Variants in RAET1L observed in about 807,000 individuals in gnomAD.
The protein encoded by RAET1L is UL16-binding protein 6.
In RAET1L, 16 loss-of-function variants were observed where a neutral mutation model predicts 23.9. The ratio of observed to expected loss-of-function variants is 0.67; its 90% CI spans 0.45 to 1.02. RAET1L has a LOEUF of 1.02. RAET1L is among the 50% of genes least tolerant of loss of function. The probability of loss-of-function intolerance (pLI) is 0.00; values close to 1 mark genes in which losing one functional copy is unlikely to be tolerated. For synonymous variants in RAET1L, 70 were observed against 111.2 expected (o/e 0.63, Z 2.33); for missense variants, 233 against 304.0 (o/e 0.77, Z 1.74).
In RAET1L at chr6:150,022,218, G is replaced by T; in HGVS notation, c.111C>A (p.Ile37=). The T allele has an allele frequency of 6.4e-7, 1 of 1,571,766 alleles. No homozygotes were observed. The highest frequency in any genetic ancestry group is 8.6e-7 in the Non-Finnish European group (1 of 1,157,410). Reference sequence around the variant, plus strand: ...CAGGTCTGAACTTAGGGATGACGGTGATGTCATAGCAAAGAGAGTGAGGGT... The same window carrying T: ...CAGGTCTGAACTTAGGGATGACGGTTATGTCATAGCAAAGAGAGTGAGGGT... ...RDDPHSLCYD[I]TVIPKFRPGP... is the part of the protein sequence containing the mutation. Residue 37 remains isoleucine, a synonymous_variant, in exon 2 of 5, where the codon ATC becomes ATA. Transcript: ENST00000367341.
intron 1 of RAET1L, among the ~76,000 whole-genome samples, chr6:150,023,219 T>G (rs1241158770): frequency 6.6e-6 from 1 of 151,972 alleles, no homozygotes; most frequent in Admixed American, 6.6e-5. Flanking sequence ...GTTATGCCCA[T>G]GGCTCATAGA....
Position 150,018,854 on chromosome 6 carries a change from A to G in RAET1L, c.*24T>C. The G allele has an allele frequency of 2.9e-6, 1 of 339,918 alleles. No homozygotes were observed. The highest frequency in any genetic ancestry group is 5.8e-6 in the Non-Finnish European group (1 of 173,260). The allele number at this position is 339,918 out of a possible 1,614,324, so 21.1% of individuals were successfully genotyped here. On this transcript the variant is annotated splice_region_variant and 3_prime_UTR_variant, in exon 5 of 5. Transcript: ENST00000367341. The stretch of plus-strand genomic sequence containing the variant: ...CAGGGGCTTTTTGGTATCATCTTTA[A>G]CCTTCAGAAAGGACCCAAATGTTGG...
chr6:150,020,658 C>G (rs1303312761), intron 3 of RAET1L, among the ~76,000 whole-genome samples: 2 of 152,062 alleles, frequency 1.3e-5, no homozygotes. Context: ...AGTTTCAAGG[C>G]TGGTGAGAAA....
intron 1 of RAET1L, 31 bp downstream of exon 1, chr6:150,025,356 C>G (rs544284619): frequency 6.3e-7 from 1 of 1,597,636 alleles, no homozygotes; most frequent in East Asian, 2.2e-5. Context: ...GTTTGGCCCC[C>G]GCCCCGCTTA....
intron 1 of RAET1L, among the ~76,000 whole-genome samples, chr6:150,024,071 G>A (rs1382282815): frequency 3.3e-5 from 5 of 152,106 alleles, no homozygotes; most frequent in Non-Finnish European, 5.9e-5. Context: ...CTGATCCCCA[G>A]GACACCACGT....
chr6:150,025,409 G>A lies in RAET1L; in HGVS notation c.63C>T (p.Gly21=), dbSNP rs199585067. ...LCLPLLFLLF[G]WSRARRDDPH... ...CACCGTCTCGCCTAGCCCGGGACCA[G>A]CCGAACAGCAGGAACAGAAGCGGGA... Residue 21 remains glycine (G), a synonymous_variant, in exon 1 of 5, where the codon GGC becomes GGT. Transcript: ENST00000367341. 22 of 1,613,986 alleles carry A rather than the reference G, an allele frequency of 1.4e-5. No individual in the cohort carries two copies. The Admixed American group carries it at 2.0e-4, about 15-fold the overall frequency.
At position 150,021,133 on chromosome 6, in the gene RAET1L, T is replaced by C. The variant is rs1490870370; in HGVS notation, c.403A>G (p.Ser135Gly). Residue 135 changes from serine to glycine, a missense_variant, in exon 3 of 5, where the codon AGC becomes GGC. Physicochemically the swap from Ser to Gly is moderately conservative, Grantham distance 56. Around this residue, in one of 4 missense-constraint regions of RAET1L, gnomAD observed 139 missense variants for 125.3 expected, o/e 1.11. Transcript: ENST00000367341. ...MSCEQKAEGH[S>G]SGSWQFSIDG... ...ATACTGAACTGCCAAGATCCACTGCTGTGTCCTTCAGCTTTCTGCTCACAA... is the reference window on the plus strand; with the variant it reads ...ATACTGAACTGCCAAGATCCACTGCCGTGTCCTTCAGCTTTCTGCTCACAA... 12 of 1,614,004 alleles carry C rather than the reference T, an allele frequency of 7.4e-6. No homozygotes were observed. In the South Asian group the frequency reaches 7.7e-5, roughly 10 times the overall value.
At chr6:150,021,340 T>C (rs1385958011) in intron 2 of RAET1L, among the ~76,000 whole-genome samples, 154 bp from the exon 3 acceptor site, 1 of 150,630 alleles carries the variant, frequency 6.6e-6, no homozygotes, top group South Asian at 2.1e-4. Flanking sequence ...TTTGTATTTT[T>C]TTTTTTTTTT....
At chr6:150,023,307 G>C (rs540920126) in intron 1 of RAET1L, among the ~76,000 whole-genome samples, 2 of 152,036 alleles carry the variant, frequency 1.3e-5, no homozygotes, top group African/African-American at 4.8e-5. Context: ...AAGAAACAGA[G>C]ATAAACCAAA....
intron 4 of RAET1L, among the ~76,000 whole-genome samples, chr6:150,019,485 G>A (rs1313646529): frequency 1.3e-5 from 2 of 152,130 alleles, no homozygotes; most frequent in Non-Finnish European, 2.9e-5. Context: ...CTGCCTCAGG[G>A]CCCAGACTCA....
chr6:150,020,836 A>T, intron 3 of RAET1L, 69 bp downstream of exon 3: 1 of 1,588,878 alleles, frequency 6.3e-7, no homozygotes, highest in Non-Finnish European at 8.6e-7. Flanking sequence ...AGCTGAACTC[A>T]AGAACTAACT....
intron 2 of RAET1L, among the ~76,000 whole-genome samples, chr6:150,021,597 CTT>C (rs750629393): frequency 5.4e-5 from 5 of 92,612 alleles, no homozygotes; most frequent in African/African-American, 7.9e-5. Flanking sequence ...CTGCACCTGG[CTT>C]TTTTTTTTTT....
At chr6:150,025,281 G>C in intron 1 of RAET1L, 106 bp downstream of exon 1, 1 of 911,926 alleles carries the variant, frequency 1.1e-6, no homozygotes. Flanking sequence ...AGTTCGGGGA[G>C]ATCTCCCTTG....
chr6:150,025,355 C>A, intron 1 of RAET1L, 32 bp downstream of exon 1: 2 of 1,596,668 alleles, frequency 1.3e-6, no homozygotes, highest in Non-Finnish European at 1.7e-6. Flanking sequence ...GGTTTGGCCC[C>A]CGCCCCGCTT....
At position 150,025,485 on chromosome 6, in the gene RAET1L, G is replaced by T. The variant is rs1193366553; in HGVS notation, c.-14C>A. On this transcript the variant is annotated 5_prime_UTR_variant, in exon 1 of 5. Coordinates refer to ENST00000367341, the MANE Select transcript of RAET1L (RefSeq NM_130900.3). The stretch of plus-strand genomic sequence containing the variant: ...GGCTGCTGCCATTGGGGACCAGGAG[G>T]GCTGGGGACAAGAGATTTAATCAAG... 2 of 1,608,900 alleles carry T rather than the reference G, an allele frequency of 1.2e-6. No homozygotes were observed. Among genetic ancestry groups the T allele is most frequent in the Admixed American group, 3.3e-5 (2 of 59,954 alleles).
At chr6:150,021,597 C>CTTTTTTT (rs750629393) in intron 2 of RAET1L, among the ~76,000 whole-genome samples, 1 of 92,626 alleles carries the variant, frequency 1.1e-5, no homozygotes, top group Non-Finnish European at 2.1e-5. Flanking sequence ...CTGCACCTGG[C>CTTTTTTT]TTTTTTTTTT....
chr6:150,020,843 A>G (rs555257939), intron 3 of RAET1L, 62 bp downstream of exon 3: 1 of 1,593,358 alleles, frequency 6.3e-7, no homozygotes, highest in African/African-American at 1.3e-5. Context: ...CTCAAGAACT[A>G]ACTTCTTGAG....
chr6:150,024,537 C>G (rs1036340123), intron 1 of RAET1L, among the ~76,000 whole-genome samples: 10 of 150,748 alleles, frequency 6.6e-5, no homozygotes, highest in Middle Eastern at 3.4e-3. Flanking sequence ...CTCTATGACG[C>G]TGACACCCCC....
At chr6:150,019,455 G>A (rs552277052) in intron 4 of RAET1L, among the ~76,000 whole-genome samples, 1 of 152,196 alleles carries the variant, frequency 6.6e-6, no homozygotes, top group African/African-American at 2.4e-5. Flanking sequence ...GGGGTGTGCA[G>A]GAGTGTGATG....
Sources: gnomAD v4.1 joint callset for allele counts (sites outside exome capture counted in the v4.1 genomes callset) on GRCh38, gnomAD v4.1.1 for gene constraint, gnomAD v4.1.1 regional missense constraint, MANE v1.5 for transcripts, NCBI Gene and HGNC (gene_info 2026-07-23, HGNC 2026-07-21) for gene names.